Variants in MAX observed in about 807,000 individuals in gnomAD.
MAX encodes the protein protein max.
MAX carries 3 observed loss-of-function variants against 22.3 expected under a neutral mutation model. The ratio of observed to expected loss-of-function variants is 0.13; its 90% CI spans 0.06 to 0.35. MAX has a LOEUF of 0.35. Among genes scored for constraint, MAX ranks in the 10% least tolerant of loss-of-function variants. The probability of loss-of-function intolerance (pLI) is 1.00; values close to 1 mark genes in which losing one functional copy is unlikely to be tolerated. For synonymous variants in MAX, 72 were observed against 77.7 expected, an observed-to-expected ratio of 0.93 and a Z score of 0.39; for missense variants, 119 against 209.4, an observed-to-expected ratio of 0.57 and a Z score of 2.66.
intron 3 of MAX, among the ~76,000 whole-genome samples, chr14:65,048,430 G>GCT (rs941046687): frequency 6.6e-6 from 1 of 152,104 alleles, no homozygotes; most frequent in Non-Finnish European, 1.5e-5. Context: ...CAAAAAGAAT[G>GCT]CTCTACATAG....
intron 3 of MAX, among the ~76,000 whole-genome samples, chr14:65,018,000 A>T (rs538220000): frequency 1.6e-4 from 24 of 152,192 alleles, no homozygotes; most frequent in Admixed American, 7.9e-4. Context: ...AATAAAACAT[A>T]AGTCATTTAT....
rs968491035 is a variant in MAX at position 65,075,681 on chromosome 14, C to T, written c.*795G>A. On this transcript the variant is annotated 3_prime_UTR_variant, in exon 5 of 5. Coordinates refer to ENST00000358664, the MANE Select transcript of MAX (RefSeq NM_002382.5). This position sits in a 1 kb window ranked among gnomAD's most constrained non-coding sequence, Gnocchi z 4.1. ...ATCATCACTGGCCCTCAATACAAAA[C>T]CTCTATGCCACCCAAAACACCCTCC... 19 of 1,066,352 alleles carry T rather than the reference C, an allele frequency of 1.8e-5. No individual in the cohort carries two copies. Among genetic ancestry groups the T allele is most frequent in the Non-Finnish European group, 2.0e-5 (18 of 879,838 alleles). The allele number at this position is 1,066,352 out of a possible 1,614,324, so 66.1% of individuals were successfully genotyped here.
At chr14:65,060,201 AAAAG>A (rs1357460527) in intron 3 of MAX, among the ~76,000 whole-genome samples, 2 of 152,106 alleles carry the variant, frequency 1.3e-5, no homozygotes, top group Admixed American at 1.3e-4. Context: ...TAAAATATAA[AAAAG>A]AAAATGAAAA....
rs2062109477 is a variant in MAX, at chr14:65,032,681, C to T, written c.172-26397G>A. The stretch of plus-strand genomic sequence containing the variant: ...ACTCCAGACCTCTTTGAGGGCACTG[C>T]TGAATGGATAGCAAGGTGAGAGAAG... On this transcript the variant is annotated intron_variant, in intron 3 of 3. Transcript: ENST00000341653. This position sits in a 1 kb window ranked among gnomAD's most constrained non-coding sequence, Gnocchi z 5.0. 1 of 1,613,698 alleles carries T rather than the reference C, an allele frequency of 6.2e-7. No homozygotes were observed. The highest frequency in any genetic ancestry group is 1.1e-5 in the South Asian group (1 of 91,054).
intron 3 of MAX, among the ~76,000 whole-genome samples, chr14:65,040,604 CTTTTTTTTT>C (rs35890649): frequency 2.6e-5 from 3 of 117,326 alleles, no homozygotes; most frequent in Non-Finnish European, 5.2e-5. Context: ...CCAGGCCCAG[CTTTTTTTTT>C]TTTTTTTTTT....
At chr14:65,057,322 GGGA>G (rs1317068469) in intron 3 of MAX, among the ~76,000 whole-genome samples, 6 of 152,238 alleles carry the variant, frequency 3.9e-5, no homozygotes, top group African/African-American at 1.4e-4. Flanking sequence ...CTAGCACTTT[GGGA>G]GGCTGAGGTG....
At chr14:65,086,661 T>C (rs544453134) in intron 3 of MAX, among the ~76,000 whole-genome samples, 2 of 152,206 alleles carry the variant, frequency 1.3e-5, no homozygotes, top group East Asian at 1.9e-4. Context: ...AAGAGGTGAC[T>C]TGGGTGCTGT....
chr14:65,024,625 A>G (rs2139563230), intron 3 of MAX, among the ~76,000 whole-genome samples: 1 of 152,314 alleles, frequency 6.6e-6, no homozygotes. Flanking sequence ...GATGTATTGC[A>G]GCTTTCAGTC....
At chr14:65,037,748 A>ATTT (rs55864662) in intron 3 of MAX, among the ~76,000 whole-genome samples, 8 of 75,748 alleles carry the variant, frequency 1.1e-4, no homozygotes, top group East Asian at 3.3e-4. Flanking sequence ...TTTATTATTT[A>ATTT]TTTATTTATT....
In MAX at chr14:65,088,830, G is replaced by A. The variant is rs1206215963; in HGVS notation, c.171+4878C>T. 6.6e-6 allele frequency among the ~76,000 whole-genome samples: 1 copy of A among 152,146 alleles called. No homozygotes were observed. The highest frequency in any genetic ancestry group is 2.4e-5 in the African/African-American group (1 of 41,426). On this transcript the variant is annotated intron_variant, in intron 3 of 4. Coordinates refer to ENST00000358664, the MANE Select transcript of MAX (RefSeq NM_002382.5). This position sits in a 1 kb window ranked among gnomAD's most constrained non-coding sequence, Gnocchi z 5.2. ...ATATATATAAAACCTCATATATTAA[G>A]TATAATATATAAATGTGTGTACATA...
chr14:65,021,885 A>T (rs1320905469), intron 3 of MAX: 4 of 455,048 alleles, frequency 8.8e-6, no homozygotes, highest in African/African-American at 2.0e-5. Flanking sequence ...GCCTTAAGTG[A>T]TCCGCCCACG....
intron 3 of MAX, among the ~76,000 whole-genome samples, chr14:65,050,303 T>C (rs2062577138): frequency 6.6e-6 from 1 of 152,232 alleles, no homozygotes; most frequent in South Asian, 2.1e-4. Context: ...TTTTAAAAAG[T>C]AACTAAAGCT....
rs185146078 is a variant in MAX, at chr14:65,078,395, G to A, written c.172-359C>T. On this transcript the variant is annotated intron_variant, in intron 3 of 4. Coordinates refer to ENST00000358664, the MANE Select transcript of MAX (RefSeq NM_002382.5). This position sits in a 1 kb window ranked among gnomAD's most constrained non-coding sequence, Gnocchi z 6.4. The stretch of plus-strand genomic sequence containing the variant: ...TTTTTTGTATTTTTAGTAGAAATGC[G>A]GTTTCACCATGTTAGCCAGGCTGGT... Among the ~76,000 whole-genome samples, 2 of 152,074 alleles carry A rather than the reference G, an allele frequency of 1.3e-5. No homozygotes were observed. Among genetic ancestry groups the A allele is most frequent in the East Asian group, 1.9e-4 (1 of 5,182 alleles).
At position 65,093,530 on chromosome 14, in the gene MAX, G is replaced by C. The variant is rs1053198457; in HGVS notation, c.171+178C>G. 1 of 634,676 alleles carries C rather than the reference G, an allele frequency of 1.6e-6. No individual in the cohort carries two copies. Among genetic ancestry groups the C allele is most frequent in the Middle Eastern group, 4.1e-4 (1 of 2,426 alleles). The allele number at this position is 634,676 out of a possible 1,614,324, so 39.3% of individuals were successfully genotyped here. ...CATTATATCTGACATATTTTGTTAA[G>C]GATAAACTGGAGTACGTAAGGTGTG... On this transcript the variant is annotated intron_variant, in intron 3 of 4. Coordinates refer to ENST00000358664, the MANE Select transcript of MAX (RefSeq NM_002382.5). The surrounding 1 kb of genome is among the most constrained non-coding windows in gnomAD (Gnocchi z 4.4).
intron 2 of MAX, among the ~76,000 whole-genome samples, chr14:65,097,084 T>C (rs1426085261): frequency 2.0e-5 from 3 of 152,218 alleles, no homozygotes; most frequent in Non-Finnish European, 4.4e-5. Context: ...AGCTTTGACA[T>C]CTCTGCCAAA....
At chr14:65,050,152 C>T (rs542262646) in intron 3 of MAX, among the ~76,000 whole-genome samples, 1 of 152,072 alleles carries the variant, frequency 6.6e-6, no homozygotes, top group South Asian at 2.1e-4. Flanking sequence ...GAAGATTAGG[C>T]CAAACAGACA....
At chr14:65,040,568 G>C (rs946670949) in intron 3 of MAX, among the ~76,000 whole-genome samples, 3 of 150,242 alleles carry the variant, frequency 2.0e-5, no homozygotes, top group African/African-American at 7.4e-5. Flanking sequence ...AGTCTCCTGA[G>C]CAGCTGGGAT....
At chr14:65,019,391 G>A (rs1290074774) in intron 3 of MAX, among the ~76,000 whole-genome samples, 2 of 151,872 alleles carry the variant, frequency 1.3e-5, no homozygotes, top group African/African-American at 2.4e-5. Flanking sequence ...GGAGACTGAA[G>A]CAGGAGAATT....
intron 3 of MAX, among the ~76,000 whole-genome samples, chr14:65,058,594 T>G (rs2062794559): frequency 6.6e-6 from 1 of 152,234 alleles, no homozygotes; most frequent in African/African-American, 2.4e-5. Flanking sequence ...TACTGTAAGG[T>G]TGTGATAGTT....
Sources: gnomAD v4.1 joint callset for allele counts (sites outside exome capture counted in the v4.1 genomes callset) on GRCh38, gnomAD v4.1.1 for gene constraint, Gnocchi (gnomAD v3.1) non-coding constraint, MANE v1.5 for transcripts, NCBI Gene and HGNC (gene_info 2026-07-23, HGNC 2026-07-21) for gene names.